SEC31A: variants seen among roughly 807,000 people sequenced by gnomAD.
SEC31A encodes the protein protein transport protein Sec31A.
A neutral mutation model predicts 151.0 loss-of-function variants in SEC31A; 70 were observed. That is an observed-to-expected ratio of 0.46 (90% CI 0.38 to 0.57). SEC31A has a LOEUF of 0.57. Among genes scored for constraint, SEC31A ranks in the 20% least tolerant of loss-of-function variants. The pLI, the probability that SEC31A is intolerant of heterozygous loss-of-function variation, is 0.00. For missense variants in SEC31A, 1,330 were observed against 1,471.2 expected (o/e 0.90, Z 1.57); for synonymous variants, 475 against 505.9 (o/e 0.94, Z 0.82).
intron 16 of SEC31A, among the ~76,000 whole-genome samples, chr4:82,856,193 C>T (rs1214953120): frequency 2.0e-5 from 3 of 152,030 alleles, no homozygotes; most frequent in South Asian, 2.1e-4. Flanking sequence ...CACTGTTGCC[C>T]GGGCTGGAGT....
chr4:82,845,670 TG>T, intron 20 of SEC31A, among the ~76,000 whole-genome samples: 1 of 136,504 alleles, frequency 7.3e-6, no homozygotes, highest in Non-Finnish European at 1.5e-5. Context: ...AGTAAAAAAG[TG>T]ATTTTTTTTT....
chr4:82,845,960 C>A (rs1429382851), intron 20 of SEC31A, among the ~76,000 whole-genome samples: 2 of 152,088 alleles, frequency 1.3e-5, no homozygotes, highest in Middle Eastern at 3.2e-3. Context: ...CTATACTACA[C>A]CATGTTGCTT....
intron 1 of SEC31A, among the ~76,000 whole-genome samples, chr4:82,886,761 T>C (rs1740818318): frequency 6.6e-6 from 1 of 152,226 alleles, no homozygotes; most frequent in South Asian, 2.1e-4. Context: ...TACTATGATT[T>C]AAGCATTTTA....
intron 17 of SEC31A, 27 bp downstream of exon 17, chr4:82,854,876 C>T (rs774153642): frequency 1.1e-5 from 18 of 1,582,014 alleles, no homozygotes; most frequent in Non-Finnish European, 1.5e-5. Context: ...TATGTAAATG[C>T]AGTTAAATAT....
At chr4:82,853,998 C>CA (rs564365775) in intron 17 of SEC31A, among the ~76,000 whole-genome samples, 246 of 151,944 alleles carry the variant, frequency 1.6e-3, no homozygotes, top group African/African-American at 5.7e-3. Context: ...AACATTTGAA[C>CA]AAAAAAACCC....
Position 82,841,442 on chromosome 4 carries a change from TTATA to T in SEC31A, c.2968+694_2968+697del, listed in dbSNP as rs58373170. ...CATCTCAAAAAAGAAAAAAAAAATT[TTATA>T]TATATATATATATATATATATACAC... is the stretch of plus-strand genomic sequence containing the variant. On this transcript the variant is annotated intron_variant, in intron 22 of 26. Coordinates refer to ENST00000395310, the MANE Select transcript of SEC31A (RefSeq NM_001077207.4). 8.5e-4 allele frequency among the ~76,000 whole-genome samples: 55 copies of T among 64,454 alleles called. 5 individuals are homozygous for T. Among genetic ancestry groups the T allele is most frequent in the South Asian group, 6.5e-3 (11 of 1,684 alleles). The allele number at this position is 64,454 out of a possible 152,430, so 42.3% of individuals were successfully genotyped here.
intron 1 of SEC31A, among the ~76,000 whole-genome samples, chr4:82,888,070 C>CA (rs775429405): frequency 0.023 from 2,965 of 131,298 alleles, 106 homozygotes; most frequent in African/African-American, 0.084. Context: ...AACAAACAAA[C>CA]AACAACAAAA....
chr4:82,861,181 GA>G (rs904953360), intron 14 of SEC31A, among the ~76,000 whole-genome samples: 33 of 152,062 alleles, frequency 2.2e-4, no homozygotes, highest in African/African-American at 7.2e-4. Flanking sequence ...CACATTTATT[GA>G]AAATCATGAC....
intron 19 of SEC31A, among the ~76,000 whole-genome samples, chr4:82,849,179 T>C (rs560385904): frequency 3.3e-5 from 5 of 152,194 alleles, no homozygotes; most frequent in Non-Finnish European, 7.4e-5. Flanking sequence ...TGACATACAG[T>C]GCAACTTGTA....
At chr4:82,871,311 TACACACACAC>T (rs10548601) in intron 7 of SEC31A, 11 of 1,324,362 alleles carry the variant, frequency 8.3e-6, no homozygotes, top group East Asian at 5.5e-5. Flanking sequence ...TATACATGCA[TACACACACAC>T]ACACACACAC....
chr4:82,860,344 A>T (rs4693521), intron 14 of SEC31A, among the ~76,000 whole-genome samples: 151,915 of 152,358 alleles, frequency 1, 75,736 homozygotes, highest in Non-Finnish European at 1. Flanking sequence ...AAATGCATAT[A>T]TTTCTTACCT....
chr4:82,867,235 C>T lies in SEC31A; in HGVS notation c.964G>A (p.Ala322Thr). ...CPRNPAVLSA[A>T]SFDGRISVYS... ...ACACTGATACGCCCATCAAACGAAG[C>T]AGCTGATAAGACAGCAGGATTTCGG... The change falls in exon 9 of 27, where the codon GCT (alanine) becomes ACT (threonine). Residue 322 changes from alanine to threonine, a missense_variant. Coordinates refer to ENST00000395310, the MANE Select transcript of SEC31A (RefSeq NM_001077207.4). 6.2e-7 allele frequency: 1 copy of T among 1,614,054 alleles called. No homozygotes were observed. Among genetic ancestry groups the T allele is most frequent in the Non-Finnish European group, 8.5e-7 (1 of 1,179,878 alleles).
Position 82,870,390 on chromosome 4 carries a change from G to A in SEC31A, c.817C>T (p.Pro273Ser), listed in dbSNP as rs1736383068. ...TTTCCACAGCTCAGTAACAATTCAG[G>A]ATCTGCCATGCTCCAAGCAATTGCC... is the stretch of plus-strand genomic sequence containing the variant. ...ILAIAWSMAD[P>S]ELLLSCGKDA... The change falls in exon 8 of 27, where the codon CCT becomes TCT. Residue 273 changes from proline (P) to serine (S), a missense_variant. Transcript: ENST00000395310. 6.2e-7 allele frequency: 1 copy of A among 1,613,806 alleles called. No homozygotes were observed. The highest frequency in any genetic ancestry group is 1.1e-5 in the South Asian group (1 of 91,054).
intron 12 of SEC31A, 30 bp from the exon 13 acceptor site, chr4:82,862,602 C>G: frequency 6.2e-7 from 1 of 1,600,174 alleles, no homozygotes; most frequent in East Asian, 2.2e-5. Flanking sequence ...TCACCTACTA[C>G]ATGGAATTCT....
chr4:82,899,353 G>C (rs1720207434), intron 3 of SEC31A, among the ~76,000 whole-genome samples: 1 of 152,158 alleles, frequency 6.6e-6, no homozygotes, highest in South Asian at 2.1e-4. Flanking sequence ...TGTGGTATGA[G>C]AATTATATCT....
chr4:82,855,522 T>C (rs900942605), intron 16 of SEC31A, among the ~76,000 whole-genome samples: 8 of 152,216 alleles, frequency 5.3e-5, no homozygotes, highest in African/African-American at 1.9e-4. Context: ...ATGAGGCTAA[T>C]GGGACTCAAT....
chr4:82,866,450 A>C (rs1735419395), intron 10 of SEC31A, among the ~76,000 whole-genome samples: 2 of 152,042 alleles, frequency 1.3e-5, no homozygotes, highest in African/African-American at 4.8e-5. Flanking sequence ...CAGCCTGTAC[A>C]ACAGAGTGAG....
At chr4:82,821,741 G>A (rs1444106444) in intron 25 of SEC31A, among the ~76,000 whole-genome samples, 2 of 152,064 alleles carry the variant, frequency 1.3e-5, no homozygotes, top group African/African-American at 4.8e-5. Flanking sequence ...ATGTTTGCTT[G>A]CACTATATTC....
intron 7 of SEC31A, chr4:82,871,716 G>C: frequency 1.8e-6 from 1 of 555,764 alleles, no homozygotes; most frequent in Non-Finnish European, 3.1e-6. Flanking sequence ...GCTTGCGCCT[G>C]TAATCCCAGC....
Sources: gnomAD v4.1 joint callset for allele counts (sites outside exome capture counted in the v4.1 genomes callset) on GRCh38, gnomAD v4.1.1 for gene constraint, MANE v1.5 for transcripts, NCBI Gene and HGNC (gene_info 2026-07-23, HGNC 2026-07-21) for gene names.